SATB1: variants seen among roughly 807,000 people sequenced by gnomAD.
The protein encoded by SATB1 is DNA-binding protein SATB1.
In SATB1, 11 loss-of-function variants were observed where a neutral mutation model predicts 86.9. The observed-to-expected ratio is 0.13, with a 90% CI of 0.08 to 0.21. The LOEUF (loss-of-function observed/expected upper bound fraction) is 0.21, where lower values mean the gene tolerates loss of function less well. SATB1 is among the 10% of genes least tolerant of loss of function. SATB1 has a pLI of 1.00. For synonymous variants in SATB1, 357 were observed against 357.2 expected, an observed-to-expected ratio of 1.00 and a Z score of 0.01; for missense variants, 551 against 937.6, an observed-to-expected ratio of 0.59 and a Z score of 5.39.
In SATB1 at chr3:18,349,640, C is replaced by CCTGCTGCTG. The variant is rs759934751; in HGVS notation, c.1813_1821dup (p.Gln605_Gln607dup). 6.8e-6 allele frequency: 11 copies of CCTGCTGCTG among 1,609,582 alleles called. No individual in the cohort carries two copies. The highest frequency in any genetic ancestry group is 2.2e-5 in the South Asian group (2 of 90,700). On this transcript the variant is annotated inframe_insertion, in exon 11 of 11. Transcript: ENST00000338745. The surrounding 1 kb of genome is among the most constrained non-coding windows in gnomAD (Gnocchi z 5.5). Reference sequence around the variant, plus strand: ...TGCTGTGGCTGTGGAGGCGGCGGTGCCTGCTGCTGCTGCTGCTGCTGTTGC... The same window carrying CCTGCTGCTG: ...TGCTGTGGCTGTGGAGGCGGCGGTGCCTGCTGCTGCTGCTGCTGCTGCTGCTGCTGTTGC...
intron 1 of SATB1, among the ~76,000 whole-genome samples, chr3:18,421,833 C>A (rs1183761433): frequency 3.4e-5 from 5 of 148,430 alleles, no homozygotes; most frequent in African/African-American, 9.9e-5. Flanking sequence ...GTTGAAGTGC[C>A]AAGCTCAATT....
At chr3:18,389,733 C>G (rs908909453) in intron 7 of SATB1, among the ~76,000 whole-genome samples, 1 of 152,012 alleles carries the variant, frequency 6.6e-6, no homozygotes, top group African/African-American at 2.4e-5. Context: ...GAATCATTGG[C>G]GCTCAATAAA....
At chr3:18,355,238 GCTCT>G (rs1440926025) in intron 9 of SATB1, among the ~76,000 whole-genome samples, 2 of 151,988 alleles carry the variant, frequency 1.3e-5, no homozygotes, top group African/African-American at 2.4e-5. Context: ...TGACACATTA[GCTCT>G]CTGTCAGTGT....
intron 9 of SATB1, among the ~76,000 whole-genome samples, chr3:18,376,642 A>T (rs1425276264): frequency 1.3e-5 from 2 of 152,140 alleles, no homozygotes; most frequent in African/African-American, 4.8e-5. Flanking sequence ...GTAAATGAAG[A>T]CATCTGAAGA....
chr3:18,427,511 A>G (rs1229569057), upstream of SATB1, among the ~76,000 whole-genome samples: 1 of 152,248 alleles, frequency 6.6e-6, no homozygotes, highest in African/African-American at 2.4e-5. Context: ...ACCACTAAAC[A>G]AAGATCACGG....
intron 9 of SATB1, among the ~76,000 whole-genome samples, chr3:18,361,921 C>T (rs1269188115): frequency 6.6e-6 from 1 of 152,042 alleles, no homozygotes; most frequent in East Asian, 1.9e-4. Context: ...AATCAGGATC[C>T]TTAAGGTGGT....
chr3:18,350,743 G>A (rs1254038426), intron 10 of SATB1: 1 of 152,838 alleles, frequency 6.5e-6, no homozygotes, highest in Admixed American at 6.5e-5. Flanking sequence ...ATATCCTAAA[G>A]GGAAGCTCTT....
chr3:18,402,861 TACA>T (rs1370746428), intron 5 of SATB1, among the ~76,000 whole-genome samples: 4 of 152,144 alleles, frequency 2.6e-5, no homozygotes, highest in Non-Finnish European at 4.4e-5. Flanking sequence ...GGGCAAGGGC[TACA>T]ACATCTTATT....
chr3:18,405,613 A>G (rs1161090994), intron 5 of SATB1, among the ~76,000 whole-genome samples: 4 of 151,932 alleles, frequency 2.6e-5, no homozygotes, highest in Admixed American at 1.3e-4. Flanking sequence ...ATTGGAGGTA[A>G]AATACCTCCT....
chr3:18,348,793 A>G lies in SATB1; in HGVS notation c.*377T>C, dbSNP rs1203352435. 5.3e-6 allele frequency: 1 copy of G among 188,564 alleles called. No homozygotes were observed. Among genetic ancestry groups the G allele is most frequent in the African/African-American group, 2.4e-5 (1 of 41,918 alleles). 11.7% of individuals were successfully genotyped at this position (188,564 alleles called of 1,614,324 possible). On this transcript the variant is annotated 3_prime_UTR_variant, in exon 11 of 11. Coordinates refer to ENST00000338745, the MANE Select transcript of SATB1 (RefSeq NM_002971.6). ...AAGATCAGTGTGGAGTGCTACAGAA[A>G]TAATTATAGGAGAGGAAATCATAAT...
chr3:18,405,016 C>T (rs1048920761), intron 5 of SATB1, among the ~76,000 whole-genome samples: 4 of 151,904 alleles, frequency 2.6e-5, no homozygotes, highest in Non-Finnish European at 4.4e-5. Context: ...TCAATTGTAA[C>T]GCACATTATT....
At chr3:18,442,227 G>A (rs778995967), upstream of SATB1, among the ~76,000 whole-genome samples, 1 of 151,810 alleles carries the variant, frequency 6.6e-6, no homozygotes, top group East Asian at 1.9e-4. Flanking sequence ...CTTTAGGAGG[G>A]AAATCCCTAT....
chr3:18,441,895 G>A (rs750795368), upstream of SATB1, among the ~76,000 whole-genome samples: 32 of 152,136 alleles, frequency 2.1e-4, no homozygotes, highest in Middle Eastern at 3.4e-3. Context: ...TCATATAGCT[G>A]GCAACAGATT....
chr3:18,429,079 A>G (rs773563709), upstream of SATB1, among the ~76,000 whole-genome samples: 17 of 152,160 alleles, frequency 1.1e-4, no homozygotes, highest in Admixed American at 2.6e-4. The surrounding 1 kb of genome is among the most constrained non-coding windows in gnomAD (Gnocchi z 4.1). Flanking sequence ...TTTATGTAGC[A>G]TATTGCTCTT....
chr3:18,372,650 A>C (rs1377247701), intron 9 of SATB1, among the ~76,000 whole-genome samples: 3 of 152,194 alleles, frequency 2.0e-5, no homozygotes, highest in Non-Finnish European at 2.9e-5. Flanking sequence ...CAAGAATCTC[A>C]AAAGAAGGCA....
upstream of SATB1, among the ~76,000 whole-genome samples, chr3:18,426,175 A>C (rs1485262145): frequency 1.3e-5 from 2 of 152,312 alleles, no homozygotes; most frequent in East Asian, 3.9e-4. The surrounding 1 kb of genome is among the most constrained non-coding windows in gnomAD (Gnocchi z 4.2). Context: ...AACGCTCGGA[A>C]TGTTTATCCT....
chr3:18,415,424 T>C (rs1698059544), intron 4 of SATB1, among the ~76,000 whole-genome samples, 190 bp from the exon 5 acceptor site: 1 of 152,104 alleles, frequency 6.6e-6, no homozygotes, highest in African/African-American at 2.4e-5. Flanking sequence ...GCATGAATTA[T>C]ACATCAGCTG....
chr3:18,362,139 T>TTC (rs1043059036), intron 9 of SATB1, among the ~76,000 whole-genome samples: 1 of 152,180 alleles, frequency 6.6e-6, no homozygotes, highest in African/African-American at 2.4e-5. Context: ...AATTTGTTCC[T>TTC]TCTTTTCCAT....
chr3:18,407,704 A>G (rs775662519), intron 5 of SATB1, among the ~76,000 whole-genome samples: 1 of 152,066 alleles, frequency 6.6e-6, no homozygotes, highest in Admixed American at 6.6e-5. Context: ...GGAGCTAATT[A>G]AAGTGATGCT....
Sources: allele counts gnomAD v4.1 joint callset (sites outside exome capture counted in the v4.1 genomes callset), GRCh38; gene constraint gnomAD v4.1.1; non-coding constraint Gnocchi (gnomAD v3.1); transcripts MANE v1.5; gene names NCBI Gene and HGNC (gene_info 2026-07-23, HGNC 2026-07-21).